The following SAE1 variants were observed in gnomAD, a reference collection of about 807,000 sequenced individuals.
SAE1 encodes SUMO1 activating enzyme subunit 1.
SAE1 carries 11 observed loss-of-function variants against 40.6 expected under a neutral mutation model. The ratio of observed to expected loss-of-function variants is 0.27; its 90% CI spans 0.17 to 0.45. SAE1 has a LOEUF of 0.45. SAE1 is among the 20% of genes least tolerant of loss of function. SAE1 has a pLI of 1.00. For synonymous variants in SAE1, 155 were observed against 154.3 expected, an observed-to-expected ratio of 1.00 and a Z score of -0.03; for missense variants, 373 against 427.3, an observed-to-expected ratio of 0.87 and a Z score of 1.12.
At chr19:47,204,154 T>G (rs1479916804) in intron 8 of SAE1, among the ~76,000 whole-genome samples, 2 of 150,182 alleles carry the variant, frequency 1.3e-5, no homozygotes, top group Non-Finnish European at 3.0e-5. Flanking sequence ...GTACAGTTTA[T>G]CTCTATTCAT....
At chr19:47,173,295 C>T (rs1048474359) in intron 6 of SAE1, among the ~76,000 whole-genome samples, 3 of 152,194 alleles carry the variant, frequency 2.0e-5, no homozygotes, top group African/African-American at 7.2e-5. Flanking sequence ...CCGCGCCCGG[C>T]CCAAAGTCTT....
chr19:47,150,136 G>A (rs1600159051), intron 2 of SAE1, 66 bp from the exon 3 acceptor site: 16 of 940,166 alleles, frequency 1.7e-5, no homozygotes, highest in South Asian at 8.8e-5. Flanking sequence ...AAAATTTAAA[G>A]ATTCTTTTTA....
In SAE1 at chr19:47,197,248, G is replaced by A. The variant is rs1362973401; in HGVS notation, c.749G>A (p.Arg250His). ...YFLLQVLLKF[R>H]TDKGRDPSSD... ...TTATTCCCAGTGCTCTTAAAGTTCC[G>A]TACAGATAAAGGAAGAGATCCCAGT... is the stretch of plus-strand genomic sequence containing the variant. Residue 250 changes from arginine to histidine, a missense_variant, in exon 7 of 9, where the codon CGT becomes CAT. Physicochemically the swap from Arg to His is conservative, Grantham distance 29 (BLOSUM62 0). Transcript: ENST00000270225. 5.0e-6 allele frequency: 8 copies of A among 1,612,390 alleles called. No homozygotes were observed. Among genetic ancestry groups the A allele is most frequent in the East Asian group, 2.2e-5 (1 of 44,834 alleles).
intron 6 of SAE1, among the ~76,000 whole-genome samples, chr19:47,174,347 C>T (rs78535257): frequency 0.021 from 3,015 of 146,342 alleles, 45 homozygotes; most frequent in Non-Finnish European, 0.033. Flanking sequence ...ATAAAATTTA[C>T]CATTATAACT....
At position 47,201,693 on chromosome 19, in the gene SAE1, G is replaced by A. The variant is rs184241244; in HGVS notation, c.879-1978G>A. ...CTCTCACCCAGGCTGGAGTGCAGTG[G>A]CACCATCTCGGCTCACTGCAACCTC... On this transcript the variant is annotated intron_variant, in intron 7 of 8. Coordinates refer to ENST00000270225, the MANE Select transcript of SAE1 (RefSeq NM_005500.3). 1.3e-4 allele frequency among the ~76,000 whole-genome samples: 19 copies of A among 151,996 alleles called. No individual in the cohort carries two copies. The East Asian group carries it at 3.1e-3, about 25-fold the overall frequency.
intron 6 of SAE1, among the ~76,000 whole-genome samples, chr19:47,195,580 C>T (rs1305055445): frequency 1.3e-5 from 2 of 152,026 alleles, no homozygotes; most frequent in Non-Finnish European, 2.9e-5. Context: ...ATGGCTGGCC[C>T]TTCTGGCTAA....
chr19:47,151,635 A>T (rs895578909), intron 3 of SAE1, among the ~76,000 whole-genome samples: 1 of 152,114 alleles, frequency 6.6e-6, no homozygotes, highest in African/African-American at 2.4e-5. Flanking sequence ...ATCTGTTCAA[A>T]TATGGGCTTG....
intron 6 of SAE1, among the ~76,000 whole-genome samples, chr19:47,189,875 CAG>C (rs1183284660): frequency 6.6e-6 from 1 of 152,164 alleles, no homozygotes; most frequent in Non-Finnish European, 1.5e-5. Flanking sequence ...ATGTAACAAA[CAG>C]TGATTAATAA....
intron 6 of SAE1, among the ~76,000 whole-genome samples, chr19:47,192,740 A>G (rs1002994573): frequency 2.0e-5 from 3 of 151,510 alleles, no homozygotes; most frequent in East Asian, 1.9e-4. Flanking sequence ...GGGTTTCACC[A>G]TGTTGGCCAG....
chr19:47,174,863 G>A (rs1209044399), intron 6 of SAE1, among the ~76,000 whole-genome samples: 3 of 151,366 alleles, frequency 2.0e-5, no homozygotes, highest in East Asian at 1.9e-4. Context: ...GTGAGCCACC[G>A]CGCCTGGCCA....
intron 6 of SAE1, among the ~76,000 whole-genome samples, chr19:47,177,624 T>G (rs1191679498): frequency 6.6e-6 from 1 of 152,162 alleles, no homozygotes; most frequent in African/African-American, 2.4e-5. Context: ...CTCACCTCAG[T>G]TTCCCAAAGA....
chr19:47,140,556 G>A (rs1422939561), intron 1 of SAE1, among the ~76,000 whole-genome samples: 19 of 151,452 alleles, frequency 1.3e-4, no homozygotes, highest in Non-Finnish European at 1.5e-5. Flanking sequence ...GGAGGCAGAG[G>A]CAGGAAGATT....
intron 1 of SAE1, among the ~76,000 whole-genome samples, chr19:47,132,394 G>A (rs910519341): frequency 2.0e-5 from 3 of 150,540 alleles, no homozygotes; most frequent in Non-Finnish European, 4.4e-5. Flanking sequence ...GACTACAGGC[G>A]TGCCCCACCA....
At chr19:47,193,751 C>G (rs1011736496) in intron 6 of SAE1, among the ~76,000 whole-genome samples, 2 of 150,726 alleles carry the variant, frequency 1.3e-5, no homozygotes, top group Non-Finnish European at 1.5e-5. Context: ...TGGCTTGAAC[C>G]CGGGAGGTGG....
intron 6 of SAE1, among the ~76,000 whole-genome samples, chr19:47,173,294 G>C (rs933585946): frequency 2.0e-5 from 3 of 152,156 alleles, no homozygotes; most frequent in African/African-American, 7.2e-5. Flanking sequence ...ACCGCGCCCG[G>C]CCCAAAGTCT....
intron 6 of SAE1, among the ~76,000 whole-genome samples, chr19:47,184,772 G>T (rs1309217430): frequency 2.0e-5 from 3 of 151,116 alleles, no homozygotes; most frequent in Non-Finnish European, 4.4e-5. Flanking sequence ...TGACATGGTT[G>T]TGGGGTTTTT....
At chr19:47,134,291 C>G (rs951158410) in intron 1 of SAE1, among the ~76,000 whole-genome samples, 1 of 149,922 alleles carries the variant, frequency 6.7e-6, no homozygotes, top group Non-Finnish European at 1.5e-5. Flanking sequence ...GAGGCAGACA[C>G]GTCAGGAGAA....
chr19:47,162,834 A>T (rs899995110), intron 5 of SAE1, among the ~76,000 whole-genome samples: 1 of 152,090 alleles, frequency 6.6e-6, no homozygotes, highest in African/African-American at 2.4e-5. Context: ...TCTACCAAAA[A>T]TACAAAAATT....
intron 5 of SAE1, among the ~76,000 whole-genome samples, chr19:47,167,648 T>TA (rs1474891024): frequency 6.6e-6 from 1 of 152,154 alleles, no homozygotes; most frequent in Non-Finnish European, 1.5e-5. Flanking sequence ...ATTATGCTGT[T>TA]ATCATCTTGT....
Sources: gnomAD v4.1 joint callset for allele counts (sites outside exome capture counted in the v4.1 genomes callset) on GRCh38, gnomAD v4.1.1 for gene constraint, MANE v1.5 for transcripts, NCBI Gene and HGNC (gene_info 2026-07-23, HGNC 2026-07-21) for gene names.